The following KIF13B variants were observed in gnomAD, a reference collection of about 807,000 sequenced individuals.
KIF13B encodes the protein kinesin-like protein KIF13B.
Under a neutral mutation model 222.0 loss-of-function variants are expected in KIF13B, and 127 were observed. That is an observed-to-expected ratio of 0.57 (90% CI 0.50 to 0.66). The LOEUF is 0.66. Ranked by LOEUF, KIF13B falls within the 30% of genes least tolerant of loss-of-function variation. The pLI, the probability that KIF13B is intolerant of heterozygous loss-of-function variation, is 0.00. For synonymous variants in KIF13B, 976 were observed against 919.0 expected, an observed-to-expected ratio of 1.06 and a Z score of -1.12; for missense variants, 2,173 against 2,379.0, an observed-to-expected ratio of 0.91 and a Z score of 1.80.
chr8:29,177,607 A>C, intron 8 of KIF13B, 29 bp from the exon 9 acceptor site: 1 of 1,444,824 alleles, frequency 6.9e-7, no homozygotes, highest in African/African-American at 1.4e-5. Flanking sequence ...AATACTAATC[A>C]ACAGGAACAC....
In KIF13B at chr8:29,134,199, C is replaced by T; in HGVS notation, c.2625G>A (p.Leu875=). ...GATGCTGTGGCAACCCAGTAGCTTGCAGGATTTTAACCTGAAGGAAAAAGA... is the reference window on the plus strand; with the variant it reads ...GATGCTGTGGCAACCCAGTAGCTTGTAGGATTTTAACCTGAAGGAAAAAGA... ...ENKLVCMVKI[L]QATGLPQHLS... The change falls in exon 22 of 40, where the codon CTG becomes CTA. Residue 875 remains leucine (L), a synonymous_variant. Transcript: ENST00000524189. The T allele has an allele frequency of 6.2e-7, 1 of 1,613,696 alleles. No homozygotes were observed. Among genetic ancestry groups the T allele is most frequent in the East Asian group, 2.2e-5 (1 of 44,882 alleles).
At chr8:29,250,292 T>G (rs1396135312) in intron 1 of KIF13B, among the ~76,000 whole-genome samples, 1 of 152,218 alleles carries the variant, frequency 6.6e-6, no homozygotes, top group African/African-American at 2.4e-5. Context: ...GTGCAGTTCC[T>G]TCATTTCAAA....
chr8:29,209,885 C>CAAA (rs11414197), intron 2 of KIF13B, among the ~76,000 whole-genome samples: 22 of 107,396 alleles, frequency 2.0e-4, no homozygotes, highest in Admixed American at 3.1e-4. Context: ...TACCTCTCCA[C>CAAA]AAAAAAAAAA....
Position 29,070,567 on chromosome 8 carries a change from A to G in KIF13B, c.5418T>C (p.Ala1806=). 6.2e-7 allele frequency: 1 copy of G among 1,606,590 alleles called. No individual in the cohort carries two copies. Among genetic ancestry groups the G allele is most frequent in the African/African-American group, 1.3e-5 (1 of 74,912 alleles). The stretch of plus-strand genomic sequence containing the variant: ...GGCTCCTGTCGGCCTTGGCCAGGGC[A>G]GCTGTCAGCGAGGCCAGGTTGGTGG... ...GSATNLASLT[A]ALAKADRSHK... The change falls in exon 40 of 40, where the codon GCT becomes GCC. Residue 1806 remains alanine, a synonymous_variant. Coordinates refer to ENST00000524189, the MANE Select transcript of KIF13B (RefSeq NM_015254.4). This position sits in a 1 kb window ranked among gnomAD's most constrained non-coding sequence, Gnocchi z 4.1.
At chr8:29,183,683 A>G (rs572732229) in intron 6 of KIF13B, among the ~76,000 whole-genome samples, 27 of 152,330 alleles carry the variant, frequency 1.8e-4, no homozygotes, top group Middle Eastern at 6.8e-3. Flanking sequence ...TGCAGTTCCT[A>G]GCACAAGTCC....
At chr8:29,175,275 G>A (rs1812426682) in intron 10 of KIF13B, among the ~76,000 whole-genome samples, 3 of 152,154 alleles carry the variant, frequency 2.0e-5, no homozygotes, top group Admixed American at 2.0e-4. Flanking sequence ...TGGAAGGCTA[G>A]AGGAAGCTGG....
chr8:29,109,432 A>AC lies in KIF13B; in HGVS notation c.4161+1dup. The AC allele has an allele frequency of 6.2e-7, 1 of 1,610,828 alleles. No individual in the cohort carries two copies. The highest frequency in any genetic ancestry group is 8.5e-7 in the Non-Finnish European group (1 of 1,177,120). On this transcript the variant is annotated splice_donor_variant, in intron 34 of 39. Transcript: ENST00000524189. LOFTEE classifies it high-confidence loss of function. ...GCACAGAGCTTGGTTCCACACACTC[A>AC]CTCTGTTCACATTTGGAGAACTGAT...
At chr8:29,205,947 A>G (rs2130444508) in intron 2 of KIF13B, among the ~76,000 whole-genome samples, 1 of 149,966 alleles carries the variant, frequency 6.7e-6, no homozygotes, top group Non-Finnish European at 1.5e-5. Context: ...AAAACTCAGT[A>G]GGGAATAGTG....
At chr8:29,143,470 A>ATT (rs1251840885) in intron 18 of KIF13B, among the ~76,000 whole-genome samples, 3 of 152,254 alleles carry the variant, frequency 2.0e-5, no homozygotes, top group African/African-American at 7.2e-5. Flanking sequence ...TGGGTTTCTT[A>ATT]TTAAGATCAT....
At chr8:29,132,530 C>A in intron 22 of KIF13B, 65 bp from the exon 23 acceptor site, 1 of 1,036,990 alleles carries the variant, frequency 9.6e-7, no homozygotes, top group South Asian at 3.2e-5. Context: ...TTGTTTATAC[C>A]AGACATCACA....
At chr8:29,117,636 G>T (rs1046076496) in intron 30 of KIF13B, among the ~76,000 whole-genome samples, 20 of 152,128 alleles carry the variant, frequency 1.3e-4, no homozygotes, top group Non-Finnish European at 2.8e-4. Flanking sequence ...CGCTGGGTGT[G>T]TCGGACTGAC....
At chr8:29,159,743 A>T (rs538563851) in intron 13 of KIF13B, among the ~76,000 whole-genome samples, 1 of 152,310 alleles carries the variant, frequency 6.6e-6, no homozygotes, top group African/African-American at 2.4e-5. Flanking sequence ...TGAGACATGC[A>T]CATATGAAGG....
At chr8:29,095,205 T>C (rs1320731457) in intron 36 of KIF13B, among the ~76,000 whole-genome samples, 3 of 152,158 alleles carry the variant, frequency 2.0e-5, no homozygotes, top group Non-Finnish European at 2.9e-5. Flanking sequence ...ATAGTACAGT[T>C]ACCACAAAGA....
Position 29,147,305 on chromosome 8 carries a change from T to A in KIF13B, c.2024+87A>T, listed in dbSNP as rs4732909. The A allele has an allele frequency of 1.4e-4, 128 of 923,286 alleles. No homozygotes were observed. The African/African-American group carries it at 2.0e-3, about 14-fold the overall frequency. The allele number at this position is 923,286 out of a possible 1,614,324, so 57.2% of individuals were successfully genotyped here. On this transcript the variant is annotated intron_variant, in intron 17 of 39. Transcript: ENST00000524189. ...CATAATTCTTTTGTAAGCACCATCT[T>A]AATGTTCCCATTTGACACTTTCCCT...
In KIF13B at chr8:29,208,849, C is replaced by G. The variant is rs146612085; in HGVS notation, c.150-12650G>C. Among the ~76,000 whole-genome samples, 1,250 of 152,266 alleles carry G rather than the reference C, an allele frequency of 8.2e-3. 7 individuals are homozygous for G. Among genetic ancestry groups the G allele is most frequent in the African/African-American group, 0.014 (589 of 41,512 alleles). On this transcript the variant is annotated intron_variant, in intron 2 of 39. Transcript: ENST00000524189. ...TTCTATTAGCCTGCTTCCAGCTCCCCCAGGCCACAGCCTCGTCTCAGAAAA... is the reference window on the plus strand; with the variant it reads ...TTCTATTAGCCTGCTTCCAGCTCCCGCAGGCCACAGCCTCGTCTCAGAAAA...
At chr8:29,112,585 T>C (rs1470077104) in intron 32 of KIF13B, among the ~76,000 whole-genome samples, 1 of 152,198 alleles carries the variant, frequency 6.6e-6, no homozygotes, top group Non-Finnish European at 1.5e-5. Flanking sequence ...GGGCGTCTTC[T>C]GATGTCTCAC....
intron 37 of KIF13B, among the ~76,000 whole-genome samples, chr8:29,080,069 G>T (rs568663761): frequency 6.6e-6 from 1 of 152,274 alleles, no homozygotes; most frequent in African/African-American, 2.4e-5. Flanking sequence ...ACATTGTGCA[G>T]TGGCTCTCGC....
At chr8:29,075,554 C>A (rs1316645889) in intron 37 of KIF13B, among the ~76,000 whole-genome samples, 1 of 149,496 alleles carries the variant, frequency 6.7e-6, no homozygotes, top group Non-Finnish European at 1.5e-5. Flanking sequence ...ATGCCAAGAT[C>A]ACCAACACAC....
At chr8:29,140,785 G>A (rs1377134574) in intron 19 of KIF13B, 168 bp from the exon 20 acceptor site, 1 of 607,836 alleles carries the variant, frequency 1.6e-6, no homozygotes, top group Admixed American at 3.1e-5. Flanking sequence ...GCACAGCGCT[G>A]TATTACTCCC....
Sources: allele counts gnomAD v4.1 joint callset (sites outside exome capture counted in the v4.1 genomes callset), GRCh38; gene constraint gnomAD v4.1.1; non-coding constraint Gnocchi (gnomAD v3.1); transcripts MANE v1.5; gene names NCBI Gene and HGNC (gene_info 2026-07-23, HGNC 2026-07-21).